UGT2B4: variants seen among roughly 807,000 people sequenced by gnomAD.
The protein encoded by UGT2B4 is UDP glucuronosyltransferase family 2 member B4, also known as UDP-glucuronosyltransferase 2B4.
UGT2B4 carries 49 observed loss-of-function variants against 49.8 expected under a neutral mutation model. The ratio of observed to expected loss-of-function variants is 0.98; its 90% CI spans 0.78 to 1.25. UGT2B4 has a LOEUF of 1.25. UGT2B4 is among the 50% of genes most tolerant of loss of function. The pLI, the probability that UGT2B4 is intolerant of heterozygous loss-of-function variation, is 0.00. For synonymous variants in UGT2B4, 246 were observed against 217.7 expected (o/e 1.13, Z -1.14); for missense variants, 729 against 627.7 (o/e 1.16, Z -1.73).
chr4:69,482,652 T>C (rs994562156), intron 5 of UGT2B4, among the ~76,000 whole-genome samples: 11 of 151,976 alleles, frequency 7.2e-5, no homozygotes, highest in Admixed American at 2.0e-4. Context: ...TGTCACCTAG[T>C]CTGGAGTGCA....
intron 1 of UGT2B4, among the ~76,000 whole-genome samples, chr4:69,516,874 TTC>T (rs1381545143): frequency 7.1e-6 from 1 of 141,384 alleles, no homozygotes; most frequent in African/African-American, 2.7e-5. Flanking sequence ...TCCCAAAGGC[TTC>T]TTTTTTTTTT....
intron 1 of UGT2B4, among the ~76,000 whole-genome samples, chr4:69,518,973 T>C (rs1013549108): frequency 1.3e-5 from 2 of 151,962 alleles, no homozygotes; most frequent in Non-Finnish European, 2.9e-5. Flanking sequence ...TGACGAAAGG[T>C]TTGGTAGGAT....
At chr4:69,497,098 G>C (rs1262196908), upstream of UGT2B4, among the ~76,000 whole-genome samples, 1 of 149,576 alleles carries the variant, frequency 6.7e-6, no homozygotes, top group African/African-American at 2.6e-5. Context: ...CATCTTAACT[G>C]TTCTATAGAT....
intron 1 of UGT2B4, among the ~76,000 whole-genome samples, chr4:69,507,955 G>A (rs1282272603): frequency 6.6e-6 from 1 of 152,082 alleles, no homozygotes; most frequent in Non-Finnish European, 1.5e-5. Context: ...TGTAAACTAT[G>A]CATCTGGCTA....
At chr4:69,507,815 G>A (rs911850174) in intron 1 of UGT2B4, among the ~76,000 whole-genome samples, 6 of 152,000 alleles carry the variant, frequency 3.9e-5, no homozygotes, top group Non-Finnish European at 5.9e-5. Context: ...ATTTCATGAC[G>A]AAACTCCAAA....
chr4:69,513,911 T>C (rs544346116), intron 1 of UGT2B4, among the ~76,000 whole-genome samples: 2 of 152,336 alleles, frequency 1.3e-5, no homozygotes, highest in South Asian at 4.1e-4. Flanking sequence ...CAGTGATTTT[T>C]GCATATTGAT....
chr4:69,516,221 C>G (rs1276053927), intron 1 of UGT2B4, among the ~76,000 whole-genome samples: 1 of 152,198 alleles, frequency 6.6e-6, no homozygotes, highest in African/African-American at 2.4e-5. Flanking sequence ...ATATGTACTA[C>G]ATTTTCTTTA....
At chr4:69,481,846 T>C (rs1727601717) in intron 5 of UGT2B4, among the ~76,000 whole-genome samples, 1 of 152,234 alleles carries the variant, frequency 6.6e-6, no homozygotes, top group African/African-American at 2.4e-5. Context: ...GCTCTGCTTC[T>C]ATTCTACTCT....
At position 69,480,572 on chromosome 4, in the gene UGT2B4, T is replaced by C. The variant is rs1727552400; in HGVS notation, c.*62A>G. ...GAATCTCTTGTATCACAACGTCTTC[T>C]TGTTGTAATAAACTAAAGGAGTTCA... On this transcript the variant is annotated 3_prime_UTR_variant, in exon 6 of 6. Transcript: ENST00000305107. The C allele has an allele frequency of 1.3e-6, 2 of 1,549,944 alleles. No individual in the cohort carries two copies. The highest frequency in any genetic ancestry group is 4.5e-5 in the East Asian group (2 of 44,300).
At chr4:69,505,179 A>G (rs1728436546) in intron 1 of UGT2B4, among the ~76,000 whole-genome samples, 1 of 152,188 alleles carries the variant, frequency 6.6e-6, no homozygotes, top group Non-Finnish European at 1.5e-5. Context: ...TCTACAAAAT[A>G]ACCAGCTAAC....
chr4:69,486,168 T>G (rs1249881213), intron 4 of UGT2B4, among the ~76,000 whole-genome samples: 1 of 152,154 alleles, frequency 6.6e-6, no homozygotes, highest in Non-Finnish European at 1.5e-5. Flanking sequence ...CAGGTCACAT[T>G]TCATTATGAA....
chr4:69,496,300 C>T (rs1019523186), upstream of UGT2B4, among the ~76,000 whole-genome samples: 2 of 152,164 alleles, frequency 1.3e-5, no homozygotes, highest in African/African-American at 4.8e-5. Flanking sequence ...GCTGGGATTA[C>T]AGGCGTGAGC....
intron 5 of UGT2B4, among the ~76,000 whole-genome samples, chr4:69,483,377 T>C (rs1727659253): frequency 6.6e-6 from 1 of 152,128 alleles, no homozygotes; most frequent in Non-Finnish European, 1.5e-5. Flanking sequence ...ATGTATGAGT[T>C]ATATATGTGT....
chr4:69,524,169 C>A (rs1053912829), intron 1 of UGT2B4, among the ~76,000 whole-genome samples: 17 of 152,006 alleles, frequency 1.1e-4, no homozygotes, highest in Non-Finnish European at 2.4e-4. Context: ...CTTGTAATTT[C>A]TTTCAATAAC....
At chr4:69,501,251 G>T (rs996068908) in intron 1 of UGT2B4, among the ~76,000 whole-genome samples, 4 of 141,652 alleles carry the variant, frequency 2.8e-5, no homozygotes, top group Non-Finnish European at 6.2e-5. Context: ...CTGGGCCGGG[G>T]GCGGGTGGAA....
At chr4:69,486,466 G>A in intron 4 of UGT2B4, 143 bp downstream of exon 4, 2 of 475,028 alleles carry the variant, frequency 4.2e-6, no homozygotes, top group Non-Finnish European at 7.0e-6. Context: ...TTTCCCCCGG[G>A]ACTGGAAAAT....
chr4:69,482,499 A>G (rs1445559364), intron 5 of UGT2B4, among the ~76,000 whole-genome samples: 2 of 152,170 alleles, frequency 1.3e-5, no homozygotes, highest in Non-Finnish European at 2.9e-5. Context: ...TTCCTGGACC[A>G]TTTTAGTCAC....
intron 1 of UGT2B4, among the ~76,000 whole-genome samples, chr4:69,505,000 T>C (rs1728433486): frequency 6.6e-6 from 1 of 152,158 alleles, no homozygotes; most frequent in Non-Finnish European, 1.5e-5. Context: ...TAAGATATTT[T>C]TTAGGCAAGC....
Position 69,489,511 on chromosome 4 carries a change from C to A in UGT2B4, c.930G>T (p.Gly310=), listed in dbSNP as rs1727916082. The A allele has an allele frequency of 6.2e-7, 1 of 1,611,788 alleles. No homozygotes were observed. The highest frequency in any genetic ancestry group is 2.2e-5 in the East Asian group (1 of 44,800). The change falls in exon 3 of 6, where the codon GGG becomes GGT. Residue 310 remains glycine, a synonymous_variant. Coordinates refer to ENST00000305107, the MANE Select transcript of UGT2B4 (RefSeq NM_021139.3). ...GENGVVVFSL[G]SMVSNTSEER... ...CTTCTGACGTGTTACTGACCATCGA[C>A]CCCAGAGAAAACACCACAACACCAT...
Sources: gnomAD v4.1 joint callset for allele counts (sites outside exome capture counted in the v4.1 genomes callset) on GRCh38, gnomAD v4.1.1 for gene constraint, MANE v1.5 for transcripts, NCBI Gene and HGNC (gene_info 2026-07-23, HGNC 2026-07-21) for gene names.